Variants in ZFP2 observed in about 807,000 individuals in gnomAD.
ZFP2 encodes the protein zinc finger protein ZFP2.
A neutral mutation model predicts 36.1 loss-of-function variants in ZFP2; 33 were observed. The observed-to-expected ratio is 0.92, with a 90% CI of 0.69 to 1.22. The LOEUF is 1.22. Ranked by LOEUF, ZFP2 falls within the 50% of genes most tolerant of loss-of-function variation. ZFP2 has a pLI of 0.00. For synonymous variants in ZFP2, 170 were observed against 178.0 expected (o/e 0.96, Z 0.36); for missense variants, 522 against 551.4 (o/e 0.95, Z 0.53).
At chr5:178,920,930 A>G (rs1464703589) in intron 4 of ZFP2, among the ~76,000 whole-genome samples, 1 of 152,176 alleles carries the variant, frequency 6.6e-6, no homozygotes, top group South Asian at 2.1e-4. Flanking sequence ...ATAAAACTCT[A>G]TGTCTTCTTG....
chr5:178,914,879 C>T (rs72816629), intron 3 of ZFP2, among the ~76,000 whole-genome samples: 28,957 of 152,026 alleles, frequency 0.19, 3,001 homozygotes, highest in Non-Finnish European at 0.24. Flanking sequence ...ACAGCAGGTG[C>T]GAAGGCCCTG....
intron 1 of ZFP2, among the ~76,000 whole-genome samples, chr5:178,904,788 T>C (rs1283573285): frequency 6.8e-6 from 1 of 147,474 alleles, no homozygotes; most frequent in Non-Finnish European, 1.5e-5. Flanking sequence ...CTGCAACCTC[T>C]GCCTGCCGGG....
intron 2 of ZFP2, 62 bp downstream of exon 2, chr5:178,912,781 A>T: frequency 9.7e-7 from 1 of 1,029,038 alleles, no homozygotes; most frequent in Non-Finnish European, 1.2e-6. Flanking sequence ...ATCATAAGGC[A>T]TTGTTTTAGG....
chr5:178,914,743 C>T (rs1181238099), intron 3 of ZFP2, among the ~76,000 whole-genome samples: 3 of 152,016 alleles, frequency 2.0e-5, no homozygotes, highest in African/African-American at 4.8e-5. Flanking sequence ...AAAAATAAAG[C>T]AGCATAAGAG....
At chr5:178,906,462 T>C (rs1458126636) in intron 1 of ZFP2, among the ~76,000 whole-genome samples, 1 of 152,218 alleles carries the variant, frequency 6.6e-6, no homozygotes, top group Non-Finnish European at 1.5e-5. Flanking sequence ...CCCTCCTCTT[T>C]TGAAATTTTA....
chr5:178,909,692 C>T (rs1758247768), intron 1 of ZFP2: 13 of 1,489,162 alleles, frequency 8.7e-6, no homozygotes, highest in Non-Finnish European at 1.1e-5. Context: ...TGCTGCTGCT[C>T]CTGGGACAGA....
At chr5:178,907,766 C>T (rs1442892583) in intron 1 of ZFP2, among the ~76,000 whole-genome samples, 13 of 152,140 alleles carry the variant, frequency 8.5e-5, no homozygotes, top group Non-Finnish European at 1.9e-4. Context: ...AAAATTATTT[C>T]CACTTACAAC....
intron 3 of ZFP2, among the ~76,000 whole-genome samples, chr5:178,916,116 G>A (rs1012200349): frequency 2.0e-5 from 3 of 148,352 alleles, no homozygotes; most frequent in Non-Finnish European, 3.0e-5. Flanking sequence ...TGGTGAAGGT[G>A]AGTGGTCCAA....
Position 178,920,231 on chromosome 5 carries a change from A to G in ZFP2, c.-78+3521A>G, listed in dbSNP as rs570005165. On this transcript the variant is annotated intron_variant, in intron 4 of 4. Transcript: ENST00000361362. ...TCTCTCTGTGTTGTTCAGATTGAAT[A>G]ATTTCTTTTAATCTGTCTTCAAGTT... Among the ~76,000 whole-genome samples the G allele has an allele frequency of 3.9e-5, 6 of 152,098 alleles. No individual in the cohort carries two copies. The East Asian group carries it at 1.2e-3, about 29-fold the overall frequency.
chr5:178,897,409 C>G (rs1757966405), intron 1 of ZFP2, among the ~76,000 whole-genome samples: 1 of 152,182 alleles, frequency 6.6e-6, no homozygotes, highest in Non-Finnish European at 1.5e-5. Context: ...GCAGAAACGT[C>G]ACAGGTTCTT....
At chr5:178,901,051 C>T (rs1194959713) in intron 1 of ZFP2, among the ~76,000 whole-genome samples, 1 of 152,040 alleles carries the variant, frequency 6.6e-6, no homozygotes, top group African/African-American at 2.4e-5. Context: ...TTGAATATAC[C>T]ACCTTTTGTT....
At chr5:178,903,481 T>C (rs1397960741) in intron 1 of ZFP2, among the ~76,000 whole-genome samples, 2 of 152,210 alleles carry the variant, frequency 1.3e-5, no homozygotes, top group Non-Finnish European at 2.9e-5. Context: ...GTCTACACCC[T>C]TTGCCCATTT....
chr5:178,931,170 A>T (rs1758825673), intron 4 of ZFP2, 67 bp from the exon 5 acceptor site: 2 of 1,429,428 alleles, frequency 1.4e-6, no homozygotes, highest in Non-Finnish European at 1.8e-6. Context: ...TCTCATTCCT[A>T]CCTTATGCAG....
intron 4 of ZFP2, among the ~76,000 whole-genome samples, chr5:178,927,605 T>G (rs1020703750): frequency 4.0e-5 from 6 of 151,476 alleles, no homozygotes; most frequent in Non-Finnish European, 8.8e-5. Flanking sequence ...CAAGTGATTC[T>G]CCTGCCTCAG....
At chr5:178,917,362 C>G (rs1758453861) in intron 4 of ZFP2, among the ~76,000 whole-genome samples, 2 of 152,108 alleles carry the variant, frequency 1.3e-5, no homozygotes, top group Non-Finnish European at 2.9e-5. Flanking sequence ...CACCTGTAAT[C>G]CCAGCATTTT....
rs1308223939 is a variant in ZFP2, at chr5:178,921,639, C to T, written c.-78+4929C>T. Among the ~76,000 whole-genome samples the T allele has an allele frequency of 3.3e-5, 5 of 149,602 alleles. 1 individual carries two copies. In the South Asian group the frequency reaches 6.3e-4, roughly 19 times the overall value. On this transcript the variant is annotated intron_variant, in intron 4 of 4. Transcript: ENST00000361362. ...GAAGTCCTTTTCCTGCTCCATGAAC[C>T]GGCCCTAGAGCTTTTCCTGGAGAAC... is the stretch of plus-strand genomic sequence containing the variant.
At chr5:178,899,124 A>G (rs1205431396) in intron 1 of ZFP2, among the ~76,000 whole-genome samples, 1 of 152,094 alleles carries the variant, frequency 6.6e-6, no homozygotes, top group Admixed American at 6.5e-5. Flanking sequence ...GGAAGGGATA[A>G]CTGGAGAGGA....
chr5:178,922,472 G>A, intron 4 of ZFP2: 1 of 1,375,520 alleles, frequency 7.3e-7, no homozygotes, highest in Non-Finnish European at 1.0e-6. Context: ...AAACCTCAAA[G>A]CATGGCTAAG....
At chr5:178,922,778 T>G in intron 4 of ZFP2, 1 of 1,492,694 alleles carries the variant, frequency 6.7e-7, no homozygotes, top group African/African-American at 1.4e-5. Flanking sequence ...TGCAGAAATG[T>G]GTGTGGTCAA....
Sources: allele counts gnomAD v4.1 joint callset (sites outside exome capture counted in the v4.1 genomes callset), GRCh38; gene constraint gnomAD v4.1.1; transcripts MANE v1.5; gene names NCBI Gene and HGNC (gene_info 2026-07-23, HGNC 2026-07-21).